Variants in RNF126 observed in about 807,000 individuals in gnomAD.
RNF126 encodes E3 ubiquitin-protein ligase RNF126.
RNF126 carries 20 observed loss-of-function variants against 41.9 expected under a neutral mutation model. The ratio of observed to expected loss-of-function variants is 0.48; its 90% CI spans 0.34 to 0.69. RNF126 has a LOEUF of 0.69. RNF126 is among the 30% of genes least tolerant of loss of function. The pLI, the probability that RNF126 is intolerant of heterozygous loss-of-function variation, is 0.01. For missense variants in RNF126, 433 were observed against 460.6 expected (o/e 0.94, Z 0.55); for synonymous variants, 239 against 202.9 (o/e 1.18, Z -1.51).
intron 2 of RNF126, chr19:652,583 C>T (rs930800207): frequency 5.3e-5 from 32 of 606,128 alleles, no homozygotes; most frequent in South Asian, 3.0e-4. Context: ...CCAGATTAGC[C>T]GCCGAGGCTG....
At position 651,753 on chromosome 19, in the gene RNF126, G is replaced by C; in HGVS notation, c.301C>G (p.Gln101Glu). ...TCAGGGTCCCTGCCGTCGTCAGCCT[G>C]CGCCCCAGGAGGGAACGTGGGGATC... is the stretch of plus-strand genomic sequence containing the variant. The part of the protein sequence containing the change: ...FEIPTFPPGA[Q>E]ADDGRDPESR... Residue 101 changes from glutamine to glutamate, a missense_variant, in exon 4 of 9, where the codon CAG becomes GAG. Gln to Glu is a conservative substitution (Grantham distance 29). Around this residue, in one of 5 missense-constraint regions of RNF126, gnomAD observed 247 missense variants for 224.7 expected, o/e 1.10. Transcript: ENST00000292363. 6.2e-7 allele frequency: 1 copy of C among 1,612,654 alleles called. No individual in the cohort carries two copies. The highest frequency in any genetic ancestry group is 8.5e-7 in the Non-Finnish European group (1 of 1,179,842).
At position 647,896 on chromosome 19, in the gene RNF126, TAGAC is replaced by T. The variant is rs1568187412; in HGVS notation, c.*228_*231del. The T allele has an allele frequency of 3.1e-6, 2 of 645,958 alleles. No homozygotes were observed. Among genetic ancestry groups the T allele is most frequent in the South Asian group, 3.4e-5 (2 of 58,864 alleles). The allele number at this position is 645,958 out of a possible 1,614,324, so 40.0% of individuals were successfully genotyped here. On this transcript the variant is annotated 3_prime_UTR_variant, in exon 9 of 9. Transcript: ENST00000292363. ...CCGCTGAACGTTTAGAGGGTGAGGTTAGACAGAGGACGGGGAGGCTGGGGACGCC... is the reference window on the plus strand; with the variant it reads ...CCGCTGAACGTTTAGAGGGTGAGGTTAGAGGACGGGGAGGCTGGGGACGCC...
At chr19:661,418 G>A (rs989737377) in intron 1 of RNF126, 2 of 152,380 alleles carry the variant, frequency 1.3e-5, no homozygotes, top group African/African-American at 4.8e-5. Flanking sequence ...ACAGAAAGCT[G>A]GAAGAGGCAA....
intron 3 of RNF126, 27 bp downstream of exon 3, chr19:652,206 G>A (rs8102953): frequency 0.97 from 1,460,569 of 1,502,012 alleles, 710,225 homozygotes; most frequent in East Asian, 1. Flanking sequence ...TGACACGATC[G>A]GGAAGCACGA....
chr19:652,359 C>T (rs2030351647), intron 2 of RNF126, 63 bp from the exon 3 acceptor site: 3 of 1,376,080 alleles, frequency 2.2e-6, no homozygotes, highest in African/African-American at 1.5e-5. Flanking sequence ...CAGGCGCTCC[C>T]TCCCCTCAAA....
rs543149161 is a variant in RNF126, at chr19:647,978, G to A, written c.*150C>T. 1.5e-3 allele frequency: 1,490 copies of A among 1,000,454 alleles called. 11 individuals carry two copies. The African/African-American group carries it at 0.022, about 15-fold the overall frequency. 62.0% of individuals were successfully genotyped at this position (1,000,454 alleles called of 1,614,324 possible). A position where few individuals can be genotyped will look rare whatever the true frequency, so the allele number is the denominator to read the frequency against. The stretch of plus-strand genomic sequence containing the variant: ...TCCCAAGCCAGGGGGCCGGTGGGCC[G>A]GGCCCGGGTCCTGCCCTGGAACAGG... On this transcript the variant is annotated 3_prime_UTR_variant, in exon 9 of 9. Transcript: ENST00000292363.
chr19:655,504 G>T lies in RNF126; in HGVS notation c.76-2620C>A, dbSNP rs979074003. Among the ~76,000 whole-genome samples the T allele has an allele frequency of 2.6e-5, 4 of 151,880 alleles. No homozygotes were observed. The East Asian group carries it at 5.8e-4, about 22-fold the overall frequency. ...CCATCTCAAAAAAAAAGAAAAGTGG[G>T]GGGGGAAAGGACGTGTACAGGACAT... On this transcript the variant is annotated intron_variant, in intron 1 of 8. Coordinates refer to ENST00000292363, the MANE Select transcript of RNF126 (RefSeq NM_194460.3).
rs1172863888 is a variant in RNF126, at chr19:659,033, C to T, written c.75+4014G>A. 1.3e-5 allele frequency among the ~76,000 whole-genome samples: 2 copies of T among 152,214 alleles called. No individual in the cohort carries two copies. Among genetic ancestry groups the T allele is most frequent in the Non-Finnish European group, 1.5e-5 (1 of 68,036 alleles). ...GGGTATTGCTGGTGCCCGATCACAA[C>T]GCCAGGCTCCATGTTCACAGGGTGC... is the stretch of plus-strand genomic sequence containing the variant. On this transcript the variant is annotated intron_variant, in intron 1 of 8. Transcript: ENST00000292363. This position sits in a 1 kb window ranked among gnomAD's most constrained non-coding sequence, Gnocchi z 4.9.
chr19:648,829 C>A, intron 7 of RNF126, 53 bp downstream of exon 7: 1 of 1,064,132 alleles, frequency 9.4e-7, no homozygotes, highest in Non-Finnish European at 1.3e-6. Context: ...ATGAGCCAGG[C>A]GTGGCGGCGG....
intron 1 of RNF126, 22 bp from the exon 2 acceptor site, chr19:652,906 C>T (rs779092394): frequency 1.8e-5 from 29 of 1,609,706 alleles, no homozygotes; most frequent in South Asian, 1.2e-4. Context: ...AACAGGAGGC[C>T]GGGTCACGGT....
intron 1 of RNF126, among the ~76,000 whole-genome samples, chr19:657,391 G>A (rs1490992704): frequency 3.9e-5 from 6 of 152,210 alleles, no homozygotes; most frequent in Non-Finnish European, 8.8e-5. Context: ...CGCACTGCCG[G>A]CTCACGACAG....
intron 1 of RNF126, among the ~76,000 whole-genome samples, chr19:655,690 T>C (rs952142412): frequency 3.9e-5 from 6 of 151,998 alleles, no homozygotes; most frequent in Admixed American, 3.9e-4. Flanking sequence ...GAACTTTCAC[T>C]CCAGGCGCAG....
intron 1 of RNF126, among the ~76,000 whole-genome samples, chr19:653,709 G>C (rs928423675): frequency 6.6e-6 from 1 of 152,194 alleles, no homozygotes; most frequent in African/African-American, 2.4e-5. Flanking sequence ...GGGCTGGGCA[G>C]ATGCCGACAC....
rs2030727933 is a variant in RNF126 at position 659,993 on chromosome 19, G to C, written c.75+3054C>G. On this transcript the variant is annotated intron_variant, in intron 1 of 8. Coordinates refer to ENST00000292363, the MANE Select transcript of RNF126 (RefSeq NM_194460.3). This position sits in a 1 kb window ranked among gnomAD's most constrained non-coding sequence, Gnocchi z 4.9. Reference sequence around the variant, plus strand: ...TTAGCCAGGCTGGTCTCGAACTCCTGACCTCAGGTGATCCGTCCACCTCAG... The same window carrying C: ...TTAGCCAGGCTGGTCTCGAACTCCTCACCTCAGGTGATCCGTCCACCTCAG... Among the ~76,000 whole-genome samples the C allele has an allele frequency of 6.6e-6, 1 of 152,198 alleles. No individual in the cohort carries two copies. The highest frequency in any genetic ancestry group is 1.5e-5 in the Non-Finnish European group (1 of 68,026).
chr19:657,564 C>A (rs1240886465), intron 1 of RNF126, among the ~76,000 whole-genome samples: 1 of 152,238 alleles, frequency 6.6e-6, no homozygotes, highest in Non-Finnish European at 1.5e-5. Context: ...GTCGGCCCTG[C>A]TGCTGGAACG....
At chr19:653,060 T>C (rs1020069886) in intron 1 of RNF126, among the ~76,000 whole-genome samples, 176 bp from the exon 2 acceptor site, 2 of 152,140 alleles carry the variant, frequency 1.3e-5, no homozygotes, top group Non-Finnish European at 2.9e-5. Flanking sequence ...ACCTGGCCTC[T>C]GCCAGCCACC....
intron 1 of RNF126, among the ~76,000 whole-genome samples, chr19:658,589 G>A (rs946605847): frequency 2.0e-5 from 3 of 152,282 alleles, no homozygotes; most frequent in Middle Eastern, 3.4e-3. Flanking sequence ...CACGTGCGGC[G>A]CCTGCACCCC....
chr19:647,674 G>A lies in RNF126; in HGVS notation c.*454C>T, dbSNP rs780054790. 13 of 201,708 alleles carry A rather than the reference G, an allele frequency of 6.4e-5. No homozygotes were observed. The East Asian group carries it at 6.6e-4, about 10-fold the overall frequency. 12.5% of individuals were successfully genotyped at this position (201,708 alleles called of 1,614,324 possible). A position where few individuals can be genotyped will look rare whatever the true frequency, so the allele number is the denominator to read the frequency against. ...CCTACTCCGGGTCGTGGAGGCGGCC[G>A]AGGGGGAGGCTGGGGGCCCACGTGG... On this transcript the variant is annotated 3_prime_UTR_variant, in exon 9 of 9. Transcript: ENST00000292363.
chr19:652,317 A>T, intron 2 of RNF126, 21 bp from the exon 3 acceptor site: 4 of 1,549,428 alleles, frequency 2.6e-6, no homozygotes, highest in Non-Finnish European at 3.5e-6. Context: ...AGTGCAGGTC[A>T]GCAGTGCCGG....
Sources: gnomAD v4.1 joint callset for allele counts (sites outside exome capture counted in the v4.1 genomes callset) on GRCh38, gnomAD v4.1.1 for gene constraint, gnomAD v4.1.1 regional missense constraint, Gnocchi (gnomAD v3.1) non-coding constraint, MANE v1.5 for transcripts, NCBI Gene and HGNC (gene_info 2026-07-23, HGNC 2026-07-21) for gene names.